RASGRP1: variants seen among roughly 807,000 people sequenced by gnomAD.
RASGRP1 encodes the protein RAS guanyl releasing protein 1.
RASGRP1 carries 37 observed loss-of-function variants against 95.1 expected under a neutral mutation model. The observed-to-expected ratio is 0.39, with a 90% CI of 0.30 to 0.51. RASGRP1 has a LOEUF of 0.51. Among genes scored for constraint, RASGRP1 ranks in the 20% least tolerant of loss-of-function variants. RASGRP1 has a pLI of 0.80. For synonymous variants in RASGRP1, 325 were observed against 353.4 expected (o/e 0.92, Z 0.90); for missense variants, 711 against 965.4 (o/e 0.74, Z 3.49).
intron 3 of RASGRP1, among the ~76,000 whole-genome samples, chr15:38,523,453 C>G (rs1892074862): frequency 6.6e-6 from 1 of 152,152 alleles, no homozygotes; most frequent in Non-Finnish European, 1.5e-5. Context: ...CAGCTGTACA[C>G]TGTGTAGAGT....
intron 14 of RASGRP1, 77 bp downstream of exon 14, chr15:38,500,026 C>G (rs774842759): frequency 3.5e-6 from 5 of 1,436,886 alleles, no homozygotes; most frequent in Non-Finnish European, 2.9e-6. Context: ...ATAAATTACC[C>G]AGTCTCAGGC....
intron 2 of RASGRP1, among the ~76,000 whole-genome samples, chr15:38,556,353 T>C (rs1037741637): frequency 6.6e-6 from 1 of 152,218 alleles, no homozygotes; most frequent in African/African-American, 2.4e-5. Context: ...TTAATTTATA[T>C]GTACTAGCCA....
At chr15:38,516,077 G>T in intron 6 of RASGRP1, 120 bp downstream of exon 6, 1 of 1,203,174 alleles carries the variant, frequency 8.3e-7, no homozygotes, top group Non-Finnish European at 1.2e-6. Flanking sequence ...TGTCTGGCAG[G>T]AAAGCCTGCC....
At chr15:38,520,114 A>G (rs1442204081) in intron 3 of RASGRP1, among the ~76,000 whole-genome samples, 2 of 152,224 alleles carry the variant, frequency 1.3e-5, no homozygotes, top group Non-Finnish European at 2.9e-5. Context: ...CTATTTTAAG[A>G]GTCAAAGAGA....
chr15:38,554,141 CTGG>C (rs1566938079), intron 2 of RASGRP1, among the ~76,000 whole-genome samples: 6 of 151,662 alleles, frequency 4.0e-5, no homozygotes, highest in Non-Finnish European at 7.4e-5. Flanking sequence ...TGGAGAATCT[CTGG>C]AGTAGCAGAA....
intron 5 of RASGRP1, among the ~76,000 whole-genome samples, chr15:38,517,689 T>A (rs902606314): frequency 6.6e-6 from 1 of 152,138 alleles, no homozygotes; most frequent in African/African-American, 2.4e-5. Flanking sequence ...TTTGTACTAT[T>A]TCAAAATAAA....
At chr15:38,500,830 G>A (rs1022139735) in intron 13 of RASGRP1, among the ~76,000 whole-genome samples, 1 of 152,202 alleles carries the variant, frequency 6.6e-6, no homozygotes, top group Non-Finnish European at 1.5e-5. Flanking sequence ...CCTAAAGACA[G>A]AAGGTATCTC....
chr15:38,526,267 T>C (rs373049045), intron 3 of RASGRP1, 32 bp downstream of exon 3: 1 of 1,541,816 alleles, frequency 6.5e-7, no homozygotes, highest in African/African-American at 1.4e-5. Context: ...GGATCCCATT[T>C]TGGGATTGCC....
intron 2 of RASGRP1, among the ~76,000 whole-genome samples, chr15:38,537,692 C>T (rs979294736): frequency 1.3e-5 from 2 of 152,140 alleles, no homozygotes; most frequent in African/African-American, 4.8e-5. Flanking sequence ...CATCTCCCAC[C>T]AGGCCCCATC....
At chr15:38,540,211 A>G (rs1334839010) in intron 2 of RASGRP1, among the ~76,000 whole-genome samples, 1 of 152,142 alleles carries the variant, frequency 6.6e-6, no homozygotes, top group East Asian at 1.9e-4. Flanking sequence ...TATAGGCATG[A>G]GTCACTGTGG....
Position 38,494,659 on chromosome 15 carries a change from GA to G in RASGRP1, c.1981del (p.Ser661LeufsTer4). 1 of 1,548,110 alleles carries G rather than the reference GA, an allele frequency of 6.5e-7. No homozygotes were observed. The highest frequency in any genetic ancestry group is 8.7e-7 in the Non-Finnish European group (1 of 1,153,430). The part of the protein sequence containing the change: ...MLMGVSSQKI[S>X]LRLKRAVAHK... ...GGCAACAGCCCTCTTCAGCCGAAGA[GA>G]AATCTTCTGTGAGGACACTCCCATC... On this transcript the variant is annotated frameshift_variant, in exon 16 of 17. Coordinates refer to ENST00000310803, the MANE Select transcript of RASGRP1 (RefSeq NM_005739.4). LOFTEE classifies it high-confidence loss of function.
chr15:38,505,665 C>G (rs1425298905), intron 10 of RASGRP1, among the ~76,000 whole-genome samples, 175 bp downstream of exon 10: 5 of 152,204 alleles, frequency 3.3e-5, no homozygotes, highest in Non-Finnish European at 7.3e-5. Flanking sequence ...TGGACAGGAA[C>G]TATTCCTCAG....
chr15:38,512,083 A>G (rs551206759), intron 7 of RASGRP1, among the ~76,000 whole-genome samples: 2 of 152,246 alleles, frequency 1.3e-5, no homozygotes, highest in African/African-American at 4.8e-5. Context: ...CTTTTAATAT[A>G]CCTTTAGTTA....
intron 8 of RASGRP1, among the ~76,000 whole-genome samples, chr15:38,508,294 A>G (rs1891347912): frequency 6.6e-6 from 1 of 152,212 alleles, no homozygotes; most frequent in South Asian, 2.1e-4. Flanking sequence ...TTCTTTTCAA[A>G]AACAAGGACC....
intron 2 of RASGRP1, among the ~76,000 whole-genome samples, chr15:38,541,384 A>T (rs919898571): frequency 6.6e-6 from 1 of 152,090 alleles, no homozygotes; most frequent in Non-Finnish European, 1.5e-5. Context: ...TGAGCTCAGG[A>T]GTTTGAGACC....
chr15:38,519,474 T>C (rs1317625796), intron 3 of RASGRP1, 103 bp from the exon 4 acceptor site: 1 of 894,664 alleles, frequency 1.1e-6, no homozygotes, highest in Non-Finnish European at 1.8e-6. Flanking sequence ...ATATTTTTTC[T>C]AAAAAATGAA....
chr15:38,524,624 G>A (rs1892130998), intron 3 of RASGRP1, among the ~76,000 whole-genome samples: 1 of 152,158 alleles, frequency 6.6e-6, no homozygotes, highest in Non-Finnish European at 1.5e-5. Flanking sequence ...AATACTGGGG[G>A]CCAACTTCAC....
intron 1 of RASGRP1, among the ~76,000 whole-genome samples, chr15:38,560,542 G>T (rs766121967): frequency 7.2e-5 from 11 of 152,172 alleles, no homozygotes; most frequent in Non-Finnish European, 1.5e-4. Context: ...ACAAGGTCAG[G>T]CAGCCTCAGA....
chr15:38,549,912 T>C (rs1477529936), intron 2 of RASGRP1, among the ~76,000 whole-genome samples: 1 of 152,006 alleles, frequency 6.6e-6, no homozygotes, highest in Non-Finnish European at 1.5e-5. Flanking sequence ...ATGTACCAAA[T>C]CTTTGTGCTT....
Sources: allele counts gnomAD v4.1 joint callset (sites outside exome capture counted in the v4.1 genomes callset), GRCh38; gene constraint gnomAD v4.1.1; transcripts MANE v1.5; gene names NCBI Gene and HGNC (gene_info 2026-07-23, HGNC 2026-07-21).